MFHAS1: variants seen among roughly 807,000 people sequenced by gnomAD.
MFHAS1 encodes the protein multifunctional ROCO family signaling regulator 1, also known as malignant fibrous histiocytoma-amplified sequence 1.
In MFHAS1, 50 loss-of-function variants were observed where a neutral mutation model predicts 70.4. That is an observed-to-expected ratio of 0.71 (90% CI 0.57 to 0.90). The LOEUF (loss-of-function observed/expected upper bound fraction) is 0.90. Among genes scored for constraint, MFHAS1 ranks in the 40% least tolerant of loss-of-function variants. The pLI is 0.00. For synonymous variants in MFHAS1, 952 were observed against 620.0 expected, an observed-to-expected ratio of 1.54 and a Z score of -7.96; for missense variants, 1,795 against 1,347.6, an observed-to-expected ratio of 1.33 and a Z score of -5.20.
Position 8,797,506 on chromosome 8 carries a change from A to T in MFHAS1, c.2999-15T>A. ...CAGCAACTCCCCTGTAGGAGGAGAG[A>T]GAAAAACGTGTTAGGGAGATGTGCA... On this transcript the variant is annotated splice_polypyrimidine_tract_variant and intron_variant, in intron 1 of 2. Transcript: ENST00000276282. 3.7e-6 allele frequency: 6 copies of T among 1,611,920 alleles called. No individual in the cohort carries two copies. Among genetic ancestry groups the T allele is most frequent in the Non-Finnish European group, 5.1e-6 (6 of 1,178,376 alleles).
chr8:8,816,951 A>T (rs900007905), intron 1 of MFHAS1, among the ~76,000 whole-genome samples: 4 of 152,206 alleles, frequency 2.6e-5, no homozygotes, highest in Admixed American at 2.0e-4. Flanking sequence ...CAGCCTCAGG[A>T]AATGACTCCC....
chr8:8,815,041 A>C (rs551782190), intron 1 of MFHAS1, among the ~76,000 whole-genome samples: 2 of 151,954 alleles, frequency 1.3e-5, no homozygotes, highest in African/African-American at 4.8e-5. Context: ...CACAGGCCCC[A>C]GTGTGTGTTG....
intron 1 of MFHAS1, among the ~76,000 whole-genome samples, chr8:8,854,467 G>C (rs756650393): frequency 2.6e-5 from 4 of 151,750 alleles, no homozygotes; most frequent in Non-Finnish European, 4.4e-5. Flanking sequence ...CTTGCAGTGA[G>C]CTGAGATCGC....
At position 8,806,068 on chromosome 8, in the gene MFHAS1, G is replaced by C. The variant is rs146638132; in HGVS notation, c.2999-8577C>G. Among the ~76,000 whole-genome samples, 7 of 152,252 alleles carry C rather than the reference G, an allele frequency of 4.6e-5. No homozygotes were observed. The East Asian group carries it at 1.2e-3, about 25-fold the overall frequency. ...TACAAATCCAATCCTCTGTAGCATTGTTCCCTACGTCTTCCTCATGCCTGG... is the reference window on the plus strand; with the variant it reads ...TACAAATCCAATCCTCTGTAGCATTCTTCCCTACGTCTTCCTCATGCCTGG... On this transcript the variant is annotated intron_variant, in intron 1 of 2. Coordinates refer to ENST00000276282, the MANE Select transcript of MFHAS1 (RefSeq NM_004225.3).
At position 8,890,613 on chromosome 8, in the gene MFHAS1, C is replaced by T. The variant is rs1325846487; in HGVS notation, c.2446G>A (p.Asp816Asn). The T allele has an allele frequency of 6.2e-7, 1 of 1,613,956 alleles. No individual in the cohort carries two copies. The highest frequency in any genetic ancestry group is 8.5e-7 in the Non-Finnish European group (1 of 1,180,018). The change falls in exon 1 of 3, where the codon GAC (aspartate) becomes AAC (asparagine). Residue 816 changes from aspartate to asparagine, a missense_variant. Asp to Asn is a conservative substitution (Grantham distance 23). Transcript: ENST00000276282. ...LLKPHVQAQQDLQLLLELLEK... is the reference protein window; with the variant it reads ...LLKPHVQAQQNLQLLLELLEK... ...AGCAGCTCCAGCAACAGCTGCAAGTCCTGCTGGGCCTGGACATGAGGCTTA... is the reference window on the plus strand; with the variant it reads ...AGCAGCTCCAGCAACAGCTGCAAGTTCTGCTGGGCCTGGACATGAGGCTTA...
intron 1 of MFHAS1, among the ~76,000 whole-genome samples, chr8:8,806,916 G>A (rs1251656848): frequency 6.6e-6 from 1 of 151,912 alleles, no homozygotes; most frequent in Admixed American, 6.6e-5. Context: ...AGCCGAGATT[G>A]TGCCACTGCA....
chr8:8,857,481 C>T (rs929962451), intron 1 of MFHAS1, among the ~76,000 whole-genome samples: 3 of 152,064 alleles, frequency 2.0e-5, no homozygotes, highest in Admixed American at 6.6e-5. Context: ...AGTTCAGGCC[C>T]GGCGCGGTGT....
intron 1 of MFHAS1, among the ~76,000 whole-genome samples, chr8:8,801,624 T>A (rs1351781028): frequency 1.3e-5 from 2 of 152,240 alleles, no homozygotes; most frequent in African/African-American, 4.8e-5. Flanking sequence ...TTGTGTGCTA[T>A]CTAGCAAAAC....
At position 8,836,930 on chromosome 8, in the gene MFHAS1, CT is replaced by C. The variant is rs199586995; in HGVS notation, c.2999-39440del. ...ATCTTGTTGTTTATTTAAAATGACCCTTTAAAGACATATTAAGTCTCATTCT... is the reference window on the plus strand; with the variant it reads ...ATCTTGTTGTTTATTTAAAATGACCCTTAAAGACATATTAAGTCTCATTCT... On this transcript the variant is annotated intron_variant, in intron 1 of 2. Transcript: ENST00000276282. Among the ~76,000 whole-genome samples the C allele has an allele frequency of 6.3e-3, 962 of 152,208 alleles. 28 individuals carry two copies. Among genetic ancestry groups the C allele is most frequent in the Admixed American group, 0.044 (671 of 15,296 alleles).
intron 1 of MFHAS1, among the ~76,000 whole-genome samples, chr8:8,863,509 T>C (rs541775246): frequency 6.6e-6 from 1 of 152,296 alleles, no homozygotes; most frequent in African/African-American, 2.4e-5. Flanking sequence ...TACCTATATT[T>C]ATTACCACGT....
chr8:8,845,055 A>T (rs79793956), intron 1 of MFHAS1, among the ~76,000 whole-genome samples: 6,329 of 152,300 alleles, frequency 0.042, 248 homozygotes, highest in Non-Finnish European at 0.055. Flanking sequence ...TTAAGATACA[A>T]CTACCCTCAG....
At chr8:8,837,359 T>C (rs1411624654) in intron 1 of MFHAS1, among the ~76,000 whole-genome samples, 2 of 152,156 alleles carry the variant, frequency 1.3e-5, no homozygotes, top group African/African-American at 2.4e-5. Context: ...AAGAAGATGC[T>C]TGGCCAGGCG....
intron 1 of MFHAS1, among the ~76,000 whole-genome samples, chr8:8,834,216 G>T (rs1359664101): frequency 2.0e-5 from 3 of 152,176 alleles, no homozygotes; most frequent in East Asian, 3.8e-4. Flanking sequence ...TTTATACTAT[G>T]GTGGTCCCAT....
intron 1 of MFHAS1, among the ~76,000 whole-genome samples, chr8:8,832,817 T>C (rs1807455120): frequency 6.6e-6 from 1 of 152,122 alleles, no homozygotes; most frequent in Admixed American, 6.5e-5. Flanking sequence ...TAATTTTTTG[T>C]CGAGGCGAGG....
rs1382836850 is a variant in MFHAS1 at position 8,892,935 on chromosome 8, C to T, written c.124G>A (p.Gly42Arg). Residue 42 changes from glycine to arginine, a missense_variant, in exon 1 of 3, where the codon GGG becomes AGG. By Grantham distance (125) the Gly-to-Arg change is moderately radical. Coordinates refer to ENST00000276282, the MANE Select transcript of MFHAS1 (RefSeq NM_004225.3). This position sits in a 1 kb window ranked among gnomAD's most constrained non-coding sequence, Gnocchi z 4.7. ...LTLTAAGACP[G>R]AGADALESPA... The stretch of plus-strand genomic sequence containing the variant: ...GACTCGAGCGCGTCGGCCCCGGCCC[C>T]GGGGCAGGCCCCGGCGGCGGTAAGC... The T allele has an allele frequency of 8.4e-6, 13 of 1,546,020 alleles. No homozygotes were observed. The highest frequency in any genetic ancestry group is 2.8e-5 in the African/African-American group (2 of 70,662).
In MFHAS1 at chr8:8,874,559, A is replaced by G. The variant is rs141351617; in HGVS notation, c.2998+15502T>C. On this transcript the variant is annotated intron_variant, in intron 1 of 2. Coordinates refer to ENST00000276282, the MANE Select transcript of MFHAS1 (RefSeq NM_004225.3). ...CAGCAAGAAACATTTTACAGAGGAG[A>G]CAGTTTGGGGAGGGGTTATGAAAAA... is the stretch of plus-strand genomic sequence containing the variant. 1.8e-4 allele frequency among the ~76,000 whole-genome samples: 27 copies of G among 152,272 alleles called. No homozygotes were observed. In the East Asian group the frequency reaches 5.2e-3, roughly 29 times the overall value.
At position 8,893,043 on chromosome 8, in the gene MFHAS1, T is replaced by C. The variant is rs1209974543; in HGVS notation, c.16A>G (p.Ser6Gly). MAGMD[S>G]GNLKTARLWR... ...AGCCTCGCGGTCTTCAGGTTGCCAC[T>C]GTCCATCCCAGCCATGGCGGGGCCC... The change falls in exon 1 of 3, where the codon AGT becomes GGT. Residue 6 changes from serine (S) to glycine (G), a missense_variant. Transcript: ENST00000276282. The C allele has an allele frequency of 2.6e-6, 4 of 1,515,002 alleles. No individual in the cohort carries two copies. Among genetic ancestry groups the C allele is most frequent in the Non-Finnish European group, 3.5e-6 (4 of 1,137,496 alleles). 93.8% of individuals were successfully genotyped at this position (1,515,002 alleles called of 1,614,324 possible). A position where few individuals can be genotyped will look rare whatever the true frequency, so the allele number is the denominator to read the frequency against.
intron 2 of MFHAS1, among the ~76,000 whole-genome samples, chr8:8,794,052 T>C (rs1304978361): frequency 6.6e-6 from 1 of 151,884 alleles, no homozygotes; most frequent in African/African-American, 2.4e-5. Context: ...TAGCTAGGTG[T>C]GGTTGTGTGC....
chr8:8,786,295 A>T (rs1200849026), intron 2 of MFHAS1, among the ~76,000 whole-genome samples: 1 of 152,208 alleles, frequency 6.6e-6, no homozygotes, highest in East Asian at 1.9e-4. Flanking sequence ...CAGTTCAGCT[A>T]TAAGAGGGAA....
Sources: gnomAD v4.1 joint callset for allele counts (sites outside exome capture counted in the v4.1 genomes callset) on GRCh38, gnomAD v4.1.1 for gene constraint, Gnocchi (gnomAD v3.1) non-coding constraint, MANE v1.5 for transcripts, NCBI Gene and HGNC (gene_info 2026-07-23, HGNC 2026-07-21) for gene names.